CNTNAP2: variants seen among roughly 807,000 people sequenced by gnomAD.
CNTNAP2 encodes the protein contactin associated protein 2, also known as contactin-associated protein-like 2.
CNTNAP2 carries 98 observed loss-of-function variants against 155.2 expected under a neutral mutation model. That is an observed-to-expected ratio of 0.63 (90% confidence interval 0.54 to 0.75). CNTNAP2 has a LOEUF of 0.75. Ranked by LOEUF, CNTNAP2 falls within the 30% of genes least tolerant of loss-of-function variation. The pLI, the probability that CNTNAP2 is intolerant of heterozygous loss-of-function variation, is 0.00. For missense variants in CNTNAP2, 1,727 were observed against 1,688.1 expected, an observed-to-expected ratio of 1.02 and a Z score of -0.40; for synonymous variants, 651 against 631.2, an observed-to-expected ratio of 1.03 and a Z score of -0.47.
chr7:146,349,946 C>A (rs1189541707), intron 1 of CNTNAP2, among the ~76,000 whole-genome samples: 1 of 151,870 alleles, frequency 6.6e-6, no homozygotes, highest in African/African-American at 2.4e-5. Context: ...AATTATGTGT[C>A]TTGGAGTTGC....
At chr7:146,683,965 CAG>C (rs1380334266) in intron 1 of CNTNAP2, among the ~76,000 whole-genome samples, 2 of 152,170 alleles carry the variant, frequency 1.3e-5, no homozygotes, top group African/African-American at 2.4e-5. Context: ...TCACTGGAAA[CAG>C]GGAATTTTCC....
chr7:146,967,182 A>T (rs903970290), intron 3 of CNTNAP2, among the ~76,000 whole-genome samples: 3 of 152,194 alleles, frequency 2.0e-5, no homozygotes, highest in African/African-American at 7.2e-5. Flanking sequence ...AATAACTTAA[A>T]GATGTCAGGT....
chr7:147,899,655 C>A (rs569163372), intron 13 of CNTNAP2, among the ~76,000 whole-genome samples: 100 of 152,182 alleles, frequency 6.6e-4, no homozygotes, highest in African/African-American at 2.3e-3. Context: ...GAGGCCAAGG[C>A]GGGTGGATCA....
At chr7:146,346,237 G>A (rs1179654313) in intron 1 of CNTNAP2, among the ~76,000 whole-genome samples, 3 of 152,178 alleles carry the variant, frequency 2.0e-5, no homozygotes, top group African/African-American at 7.2e-5. Flanking sequence ...AGCCAGGAAA[G>A]CTTCATCTGT....
At chr7:148,291,487 G>A (rs1797189187) in intron 21 of CNTNAP2, among the ~76,000 whole-genome samples, 1 of 151,994 alleles carries the variant, frequency 6.6e-6, no homozygotes, top group South Asian at 2.1e-4. Flanking sequence ...AGGCTGGGAG[G>A]CTAGGCCAAG....
chr7:148,094,221 G>A (rs1439045728), intron 15 of CNTNAP2, among the ~76,000 whole-genome samples: 3 of 152,180 alleles, frequency 2.0e-5, no homozygotes, highest in Non-Finnish European at 4.4e-5. Flanking sequence ...ATCTGCAAAG[G>A]AGAATAATGA....
chr7:147,987,326 C>G (rs1445119411), intron 15 of CNTNAP2, among the ~76,000 whole-genome samples: 1 of 152,218 alleles, frequency 6.6e-6, no homozygotes, highest in Non-Finnish European at 1.5e-5. Context: ...GCTGCAAACT[C>G]ACTGTTGAAA....
At chr7:146,953,540 T>A (rs1167406841) in intron 3 of CNTNAP2, among the ~76,000 whole-genome samples, 2 of 152,014 alleles carry the variant, frequency 1.3e-5, no homozygotes, top group East Asian at 3.8e-4. Context: ...TATATAGGTT[T>A]GTAACGAATT....
At position 148,147,653 on chromosome 7, in the gene CNTNAP2, G is replaced by A. The variant is rs759801195; in HGVS notation, c.2717G>A (p.Arg906His). 33 of 1,613,800 alleles carry A rather than the reference G, an allele frequency of 2.0e-5. No individual in the cohort carries two copies. The highest frequency in any genetic ancestry group is 1.6e-4 in the Middle Eastern group (1 of 6,076). The change falls in exon 17 of 24, where the codon CGC (arginine) becomes CAC (histidine). Residue 906 changes from arginine (R) to histidine (H), a missense_variant. Physicochemically the swap from Arg to His is conservative, Grantham distance 29. Transcript: ENST00000361727. ...LQVDRLPQQI[R>H]KAPTEGHTRL... ...GTGGACCGGCTACCGCAGCAGATCC[G>A]CAAGGCCCCAACAGAAGGCCACACC...
intron 14 of CNTNAP2, among the ~76,000 whole-genome samples, chr7:147,947,683 A>T (rs1225111800): frequency 1.3e-5 from 2 of 152,100 alleles, no homozygotes; most frequent in African/African-American, 4.8e-5. Flanking sequence ...TGCTTCAGGA[A>T]AGAAAAGAGA....
intron 15 of CNTNAP2, among the ~76,000 whole-genome samples, chr7:147,980,704 C>A (rs1801508176): frequency 6.6e-6 from 1 of 150,976 alleles, no homozygotes; most frequent in African/African-American, 2.4e-5. Context: ...GCGGGCGGAT[C>A]ACGAGGTCAG....
intron 12 of CNTNAP2, among the ~76,000 whole-genome samples, chr7:147,592,822 C>A (rs1028926152): frequency 6.6e-6 from 1 of 152,156 alleles, no homozygotes; most frequent in Non-Finnish European, 1.5e-5. Context: ...GCCCTAAGGA[C>A]AAATGAAGAG....
At chr7:148,189,705 T>C (rs1658954294) in intron 18 of CNTNAP2, among the ~76,000 whole-genome samples, 1 of 152,206 alleles carries the variant, frequency 6.6e-6, no homozygotes, top group Non-Finnish European at 1.5e-5. Context: ...GGTATTCTAT[T>C]ATAGCAGCAC....
chr7:146,308,202 A>G (rs1025856929), intron 1 of CNTNAP2, among the ~76,000 whole-genome samples: 9 of 152,232 alleles, frequency 5.9e-5, no homozygotes, highest in African/African-American at 1.7e-4. Flanking sequence ...GAAGACATTT[A>G]TGCAGCCAAC....
chr7:148,197,981 G>T lies in CNTNAP2; in HGVS notation c.3011-19307G>T, dbSNP rs542451035. On this transcript the variant is annotated intron_variant, in intron 18 of 23. Transcript: ENST00000361727. The stretch of plus-strand genomic sequence containing the variant: ...CTTGAAGCTCTAAAAAGGCTAAAAG[G>T]TTATTTCCATCTGGAGCCACTGGAG... Among the ~76,000 whole-genome samples, 4 of 152,298 alleles carry T rather than the reference G, an allele frequency of 2.6e-5. No individual in the cohort carries two copies. The South Asian group carries it at 8.3e-4, about 32-fold the overall frequency.
intron 1 of CNTNAP2, among the ~76,000 whole-genome samples, chr7:146,343,514 T>C (rs895256533): frequency 6.6e-6 from 1 of 152,148 alleles, no homozygotes; most frequent in Non-Finnish European, 1.5e-5. Flanking sequence ...CAAACTAAAG[T>C]ATATGGCAAA....
intron 1 of CNTNAP2, among the ~76,000 whole-genome samples, chr7:146,667,086 G>A (rs547923314): frequency 9.9e-5 from 15 of 152,072 alleles, no homozygotes; most frequent in African/African-American, 3.1e-4. Context: ...AAGAATTTAT[G>A]CTCTTTGCCT....
At chr7:146,241,608 A>C (rs957079541) in intron 1 of CNTNAP2, among the ~76,000 whole-genome samples, 1 of 151,918 alleles carries the variant, frequency 6.6e-6, no homozygotes, top group South Asian at 2.1e-4. Context: ...TTAATGTGAC[A>C]TTTTTTTTAG....
In CNTNAP2 at chr7:147,537,772, C is replaced by T. The variant is rs139050728; in HGVS notation, c.1778-24366C>T. On this transcript the variant is annotated intron_variant, in intron 11 of 23. Coordinates refer to ENST00000361727, the MANE Select transcript of CNTNAP2 (RefSeq NM_014141.6). ...TTCATATAACAAGGGTCCAGAAATC[C>T]ATGTTATAAAGGTTTGTACTGATTC... Among the ~76,000 whole-genome samples, 741 of 152,122 alleles carry T rather than the reference C, an allele frequency of 4.9e-3. 7 individuals carry two copies. Among genetic ancestry groups the T allele is most frequent in the African/African-American group, 0.017 (692 of 41,504 alleles).
Sources: allele counts gnomAD v4.1 joint callset (sites outside exome capture counted in the v4.1 genomes callset), GRCh38; gene constraint gnomAD v4.1.1; transcripts MANE v1.5; gene names NCBI Gene and HGNC (gene_info 2026-07-23, HGNC 2026-07-21).